The following NFATC2IP variants were observed in gnomAD, a reference collection of about 807,000 sequenced individuals.
NFATC2IP encodes NFATC2-interacting protein.
In NFATC2IP, 25 loss-of-function variants were observed where a neutral mutation model predicts 40.2. That is an observed-to-expected ratio of 0.62 (90% CI 0.45 to 0.87). NFATC2IP has a LOEUF of 0.87. NFATC2IP is among the 40% of genes least tolerant of loss of function. NFATC2IP has a pLI of 0.00. For missense variants in NFATC2IP, 553 were observed against 555.6 expected (o/e 1.00, Z 0.05); for synonymous variants, 241 against 236.3 (o/e 1.02, Z -0.18).
rs1174422505 is a variant in NFATC2IP at position 28,964,926 on chromosome 16, T to A, written c.*1063T>A. On this transcript the variant is annotated 3_prime_UTR_variant, in exon 8 of 8. Coordinates refer to ENST00000320805, the MANE Select transcript of NFATC2IP (RefSeq NM_032815.4). ...GCCACGATAAACATCCTTTCGTGTG[T>A]TCCCTTCTGTGCTTGTGTGGCATGT... 2.0e-5 allele frequency: 3 copies of A among 152,226 alleles called. No homozygotes were observed. Among genetic ancestry groups the A allele is most frequent in the Admixed American group, 1.3e-4 (2 of 15,284 alleles). The allele number at this position is 152,226 out of a possible 1,614,324, so 9.4% of individuals were successfully genotyped here.
At position 28,964,337 on chromosome 16, in the gene NFATC2IP, G is replaced by C. The variant is rs1965121065; in HGVS notation, c.*474G>C. ...ACATTTGCTTGAGGCTTATACACTG[G>C]TGTGGTTGCCTGGCTTGCAGGAAAT... On this transcript the variant is annotated 3_prime_UTR_variant, in exon 8 of 8. Transcript: ENST00000320805. 6.4e-6 allele frequency: 1 copy of C among 157,318 alleles called. No individual in the cohort carries two copies. The highest frequency in any genetic ancestry group is 1.9e-4 in the South Asian group (1 of 5,328). 9.7% of individuals were successfully genotyped at this position (157,318 alleles called of 1,614,324 possible).
At chr16:28,963,046 G>C (rs1965104964) in intron 7 of NFATC2IP, among the ~76,000 whole-genome samples, 2 of 152,218 alleles carry the variant, frequency 1.3e-5, no homozygotes, top group Admixed American at 6.5e-5. Context: ...GCTGGGTGTG[G>C]TGGCCTGTGC....
At position 28,963,981 on chromosome 16, in the gene NFATC2IP, C is replaced by A; in HGVS notation, c.*118C>A. On this transcript the variant is annotated 3_prime_UTR_variant, in exon 8 of 8. Coordinates refer to ENST00000320805, the MANE Select transcript of NFATC2IP (RefSeq NM_032815.4). ...ACTTATCTTTAAGCTGCAGCAAAAT[C>A]AAGGAGTGACTTTTGTCCCCTCTCC... The A allele has an allele frequency of 1.1e-6, 1 of 940,428 alleles. No individual in the cohort carries two copies. Among genetic ancestry groups the A allele is most frequent in the Non-Finnish European group, 1.6e-6 (1 of 629,174 alleles). The allele number at this position is 940,428 out of a possible 1,614,324, so 58.3% of individuals were successfully genotyped here.
chr16:28,963,474 C>G (rs763345859), intron 7 of NFATC2IP, among the ~76,000 whole-genome samples: 1 of 152,210 alleles, frequency 6.6e-6, no homozygotes, highest in African/African-American at 2.4e-5. Context: ...GGCCCCCGTC[C>G]TCTACCTGAG....
chr16:28,952,829 A>G (rs1426349347), intron 2 of NFATC2IP, among the ~76,000 whole-genome samples: 1 of 144,880 alleles, frequency 6.9e-6, no homozygotes, highest in Non-Finnish European at 1.5e-5. Flanking sequence ...TGCAACCTCC[A>G]CCTCCTGGGT....
At position 28,952,175 on chromosome 16, in the gene NFATC2IP, T is replaced by G; in HGVS notation, c.431T>G (p.Leu144Arg). Residue 144 changes from leucine to arginine, a missense_variant, in exon 2 of 8, where the codon CTG becomes CGG. Physicochemically the swap from Leu to Arg is moderately radical, Grantham distance 102. Transcript: ENST00000320805. ...LRLIPDDLSL[L>R]KLYPPGDEEE... The stretch of plus-strand genomic sequence containing the variant: ...CTTATCCCAGATGATCTATCCCTCC[T>G]GAAACTCTACCCTCCAGGGGATGAG... The G allele has an allele frequency of 6.2e-7, 1 of 1,613,698 alleles. No individual in the cohort carries two copies. Among genetic ancestry groups the G allele is most frequent in the Non-Finnish European group, 8.5e-7 (1 of 1,179,696 alleles).
rs1965049501 is a variant in NFATC2IP at position 28,958,699 on chromosome 16, T to G, written c.847-18T>G. ...TCAAGGCAGGAAGACCTCTTTTGCTTGTTGTCCCCATCCCTAGTCGGAGCC... is the reference window on the plus strand; with the variant it reads ...TCAAGGCAGGAAGACCTCTTTTGCTGGTTGTCCCCATCCCTAGTCGGAGCC... On this transcript the variant is annotated intron_variant, in intron 5 of 7. Coordinates refer to ENST00000320805, the MANE Select transcript of NFATC2IP (RefSeq NM_032815.4). 1 of 1,597,832 alleles carries G rather than the reference T, an allele frequency of 6.3e-7. No homozygotes were observed. The highest frequency in any genetic ancestry group is 8.5e-7 in the Non-Finnish European group (1 of 1,172,000).
At chr16:28,957,972 A>C (rs548699882) in intron 5 of NFATC2IP, 1 of 152,178 alleles carries the variant, frequency 6.6e-6, no homozygotes, top group Non-Finnish European at 1.5e-5. Flanking sequence ...ATCTCTACTA[A>C]AAATACAAAA....
rs772580315 is a variant in NFATC2IP at position 28,952,331 on chromosome 16, T to C, written c.460+127T>C. 4 of 1,408,550 alleles carry C rather than the reference T, an allele frequency of 2.8e-6. No homozygotes were observed. The South Asian group carries it at 5.3e-5, about 19-fold the overall frequency. 87.3% of individuals were successfully genotyped at this position (1,408,550 alleles called of 1,614,324 possible). A position where few individuals can be genotyped will look rare whatever the true frequency, so the allele number is the denominator to read the frequency against. ...GGAAGAGCGTGGGAGAGGGGACTCC[T>C]GCATCCCAGCCACAGGAGCTGGATT... On this transcript the variant is annotated intron_variant, in intron 2 of 7. Coordinates refer to ENST00000320805, the MANE Select transcript of NFATC2IP (RefSeq NM_032815.4).
At chr16:28,961,406 T>C (rs1325131042) in intron 7 of NFATC2IP, among the ~76,000 whole-genome samples, 1 of 151,598 alleles carries the variant, frequency 6.6e-6, no homozygotes, top group Non-Finnish European at 1.5e-5. Context: ...TAACCATTTA[T>C]TCCAGCAGCA....
In NFATC2IP at chr16:28,954,161, A is replaced by T. The variant is rs117738042; in HGVS notation, c.461-404A>T. 2.2e-3 allele frequency among the ~76,000 whole-genome samples: 342 copies of T among 152,224 alleles called. 9 individuals are homozygous for T. The East Asian group carries it at 0.056, about 25-fold the overall frequency. On this transcript the variant is annotated intron_variant, in intron 2 of 7. Coordinates refer to ENST00000320805, the MANE Select transcript of NFATC2IP (RefSeq NM_032815.4). ...TTGATAACCAATATTGTCTCTAAAC[A>T]TTGCTATATGTCCCCGCAGAGGCAA...
At chr16:28,957,748 G>A (rs1031645397) in intron 5 of NFATC2IP, 1 of 152,158 alleles carries the variant, frequency 6.6e-6, no homozygotes, top group Non-Finnish European at 1.5e-5. Flanking sequence ...AAAATGCTGG[G>A]ATTATAGGTG....
At position 28,951,001 on chromosome 16, in the gene NFATC2IP, GAA is replaced by G; in HGVS notation, c.-9_-8del. ...GAGGAGGCGGGCGTGTGTTGTGGAG[GAA>G]AGTGTGCCATGGCGGAGCCTGTGGG... On this transcript the variant is annotated 5_prime_UTR_variant, in exon 1 of 8. Transcript: ENST00000320805. 2 of 1,495,618 alleles carry G rather than the reference GAA, an allele frequency of 1.3e-6. No homozygotes were observed. The highest frequency in any genetic ancestry group is 1.8e-6 in the Non-Finnish European group (2 of 1,127,748). 92.6% of individuals were successfully genotyped at this position (1,495,618 alleles called of 1,614,324 possible).
chr16:28,953,028 G>T (rs1964984450), intron 2 of NFATC2IP, among the ~76,000 whole-genome samples: 1 of 151,966 alleles, frequency 6.6e-6, no homozygotes, highest in Admixed American at 6.6e-5. Context: ...GAGCCACTGT[G>T]CCCGGCCTCA....
intron 1 of NFATC2IP, among the ~76,000 whole-genome samples, 168 bp downstream of exon 1, chr16:28,951,566 C>CT (rs1318006843): frequency 6.6e-6 from 1 of 151,942 alleles, no homozygotes; most frequent in African/African-American, 2.4e-5. Context: ...GGCTCCGGGA[C>CT]TTTCTGCAGA....
Position 28,954,662 on chromosome 16 carries a change from G to A in NFATC2IP, c.558G>A (p.Glu186=), listed in dbSNP as rs1239315912. The A allele has an allele frequency of 6.2e-7, 1 of 1,612,938 alleles. No homozygotes were observed. The highest frequency in any genetic ancestry group is 1.3e-5 in the African/African-American group (1 of 74,906). The change falls in exon 3 of 8, where the codon GAG becomes GAA. Residue 186 remains glutamate, a synonymous_variant. Coordinates refer to ENST00000320805, the MANE Select transcript of NFATC2IP (RefSeq NM_032815.4). The part of the protein sequence containing the change: ...KTKLRTKDKE[E]KKKTEFLDLD... Reference sequence around the variant, plus strand: ...AGCTGAGGACTAAGGATAAAGAAGAGAAGAAAAAGACAGAGTTTCTGTGAG... The same window carrying A: ...AGCTGAGGACTAAGGATAAAGAAGAAAAGAAAAAGACAGAGTTTCTGTGAG...
rs751036473 is a variant in NFATC2IP at position 28,958,992 on chromosome 16, CTG to C, written c.998_999del (p.Val333GlyfsTer46). On this transcript the variant is annotated frameshift_variant and splice_region_variant, in exon 7 of 8. Transcript: ENST00000320805. LOFTEE classifies it high-confidence loss of function. Reference sequence around the variant, plus strand: ...GCTTCCTGATTCTGCCTCCCACAGACTGTGTGGTACTAACAAGTTCTCCAGAG... The same window carrying C: ...GCTTCCTGATTCTGCCTCCCACAGACTGTGGTACTAACAAGTTCTCCAGAG... The part of the protein sequence containing the change: ...LKLGVADIID[C>X]VVLTSSPEAT... 1.2e-6 allele frequency: 2 copies of C among 1,612,066 alleles called. No individual in the cohort carries two copies. Among genetic ancestry groups the C allele is most frequent in the South Asian group, 1.1e-5 (1 of 91,040 alleles).
rs1965147516 is a variant in NFATC2IP at position 28,966,444 on chromosome 16, T to TAAAAAAAAAAAAAAAAAAAGAAA, written c.*2600_*2601insGAAAAAAAAAAAAAAAAAAAAAA. 1 of 122,096 alleles carries TAAAAAAAAAAAAAAAAAAAGAAA rather than the reference T, an allele frequency of 8.2e-6. No individual in the cohort carries two copies. The highest frequency in any genetic ancestry group is 3.2e-5 in the African/African-American group (1 of 31,482). 7.6% of individuals were successfully genotyped at this position (122,096 alleles called of 1,614,324 possible). A position where few individuals can be genotyped will look rare whatever the true frequency, so the allele number is the denominator to read the frequency against. On this transcript the variant is annotated 3_prime_UTR_variant, in exon 8 of 8. Transcript: ENST00000320805. ...GGCAACACAGCGAGACCTTGTCTCT[T>TAAAAAAAAAAAAAAAAAAAGAAA]AAAAAAAAAAAAAAAAAAAAATGAG...
Position 28,964,707 on chromosome 16 carries a change from A to G in NFATC2IP, c.*844A>G, listed in dbSNP as rs1965125803. 1.3e-5 allele frequency: 2 copies of G among 152,328 alleles called. No homozygotes were observed. Among genetic ancestry groups the G allele is most frequent in the South Asian group, 2.1e-4 (1 of 4,834 alleles). The allele number at this position is 152,328 out of a possible 1,614,324, so 9.4% of individuals were successfully genotyped here. On this transcript the variant is annotated 3_prime_UTR_variant, in exon 8 of 8. Transcript: ENST00000320805. The stretch of plus-strand genomic sequence containing the variant: ...GTGTGAATATGTGCTTTTACTGTAC[A>G]TAGTGCTATTGTGCAATAGGTCTTA...
Sources: allele counts gnomAD v4.1 joint callset (sites outside exome capture counted in the v4.1 genomes callset), GRCh38; gene constraint gnomAD v4.1.1; transcripts MANE v1.5; gene names NCBI Gene and HGNC (gene_info 2026-07-23, HGNC 2026-07-21).